Variants in TRIM2 observed in about 807,000 individuals in gnomAD.
The protein encoded by TRIM2 is tripartite motif containing 2, also known as tripartite motif-containing protein 2.
In TRIM2, 20 loss-of-function variants were observed where a neutral mutation model predicts 75.2. That is an observed-to-expected ratio of 0.27 (90% confidence interval 0.19 to 0.39). The LOEUF (loss-of-function observed/expected upper bound fraction) is 0.39, where lower values mean the gene tolerates loss of function less well. TRIM2 is among the 10% of genes least tolerant of loss of function. The probability of loss-of-function intolerance (pLI) is 1.00; values close to 1 mark genes in which losing one functional copy is unlikely to be tolerated. For missense variants in TRIM2, 660 were observed against 990.8 expected, an observed-to-expected ratio of 0.67 and a Z score of 4.48; for synonymous variants, 373 against 388.3, an observed-to-expected ratio of 0.96 and a Z score of 0.46.
intron 1 of TRIM2, among the ~76,000 whole-genome samples, chr4:153,235,929 TC>T (rs896271752): frequency 6.6e-6 from 1 of 152,058 alleles, no homozygotes; most frequent in Non-Finnish European, 1.5e-5. Flanking sequence ...TTACCTTCTT[TC>T]CCCCTAGATT....
rs745887103 is a variant in TRIM2 at position 153,334,663 on chromosome 4, A to T, written c.2164-151A>T. ...AAAGGTTACAGTAAGCTGTCTTCAC[A>T]CCACGGCACACCAGCCTGGGTGTCA... On this transcript the variant is annotated intron_variant, in intron 11 of 11. Transcript: ENST00000338700. The T allele has an allele frequency of 1.1e-4, 80 of 697,572 alleles. 1 individual carries two copies. The highest frequency in any genetic ancestry group is 3.8e-4 in the Middle Eastern group (1 of 2,624). The allele number at this position is 697,572 out of a possible 1,614,324, so 43.2% of individuals were successfully genotyped here. A position where few individuals can be genotyped will look rare whatever the true frequency, so the allele number is the denominator to read the frequency against.
chr4:153,199,477 G>T (rs1007505353), upstream of TRIM2, among the ~76,000 whole-genome samples: 1 of 152,142 alleles, frequency 6.6e-6, no homozygotes, highest in Non-Finnish European at 1.5e-5. Flanking sequence ...GTACTATAAC[G>T]AATCTGTTTG....
chr4:153,289,568 A>G (rs916595561), intron 3 of TRIM2, among the ~76,000 whole-genome samples: 7 of 152,150 alleles, frequency 4.6e-5, no homozygotes, highest in African/African-American at 1.7e-4. Flanking sequence ...GCGACTCTAT[A>G]TTATTTTGCA....
At chr4:153,278,468 A>G (rs1367448202) in intron 3 of TRIM2, among the ~76,000 whole-genome samples, 1 of 152,132 alleles carries the variant, frequency 6.6e-6, no homozygotes, top group Non-Finnish European at 1.5e-5. Flanking sequence ...GCCCCTTCAT[A>G]TCCCAAATTT....
chr4:153,199,980 C>T (rs947142659), upstream of TRIM2, among the ~76,000 whole-genome samples: 48 of 138,136 alleles, frequency 3.5e-4, no homozygotes, highest in Admixed American at 3.0e-3. Context: ...CTCACTCTGT[C>T]GCCCAGGCTG....
chr4:153,298,438 A>G (rs1346935313), intron 6 of TRIM2, among the ~76,000 whole-genome samples: 1 of 152,166 alleles, frequency 6.6e-6, no homozygotes, highest in Admixed American at 6.5e-5. Context: ...TTGTCCTCAC[A>G]TAGTCATCTC....
chr4:153,305,677 TA>T (rs1764820140), intron 6 of TRIM2, among the ~76,000 whole-genome samples: 1 of 152,208 alleles, frequency 6.6e-6, no homozygotes, highest in South Asian at 2.1e-4. Flanking sequence ...AGCTCCCTTT[TA>T]AAACAACTCA....
At chr4:153,224,250 G>T (rs1451771867) in intron 1 of TRIM2, among the ~76,000 whole-genome samples, 2 of 152,156 alleles carry the variant, frequency 1.3e-5, no homozygotes, top group Non-Finnish European at 2.9e-5. Flanking sequence ...GATACACATT[G>T]CATTTCCTTC....
chr4:153,303,648 A>G (rs987587295), intron 6 of TRIM2, among the ~76,000 whole-genome samples: 5 of 152,204 alleles, frequency 3.3e-5, no homozygotes, highest in East Asian at 1.9e-4. Flanking sequence ...TGAGATGGCA[A>G]TGGTGATTCT....
At chr4:153,240,306 C>T (rs1023002752) in intron 1 of TRIM2, among the ~76,000 whole-genome samples, 1 of 152,128 alleles carries the variant, frequency 6.6e-6, no homozygotes, top group Non-Finnish European at 1.5e-5. Flanking sequence ...ATTGCAAATA[C>T]CTGAAGCCAG....
At chr4:153,233,301 C>A (rs1167213098) in intron 1 of TRIM2, among the ~76,000 whole-genome samples, 1 of 151,866 alleles carries the variant, frequency 6.6e-6, no homozygotes, top group Non-Finnish European at 1.5e-5. Context: ...AAGAAAGTGC[C>A]AAAGAAAGGA....
chr4:153,225,401 G>T (rs552625185), intron 1 of TRIM2, among the ~76,000 whole-genome samples: 1 of 152,198 alleles, frequency 6.6e-6, no homozygotes, highest in Non-Finnish European at 1.5e-5. Flanking sequence ...TTCCTGCTTA[G>T]AATGTCTGTT....
intron 1 of TRIM2, among the ~76,000 whole-genome samples, chr4:153,228,865 G>C (rs1742861241): frequency 6.6e-6 from 1 of 152,132 alleles, no homozygotes; most frequent in Admixed American, 6.5e-5. Context: ...ATTAGCCTTT[G>C]AGTATCCTTC....
At chr4:153,218,312 A>G (rs369930677) in intron 1 of TRIM2, among the ~76,000 whole-genome samples, 7 of 152,202 alleles carry the variant, frequency 4.6e-5, no homozygotes, top group African/African-American at 1.7e-4. Context: ...GGCTCAAGCA[A>G]TCTACCCACC....
intron 1 of TRIM2, among the ~76,000 whole-genome samples, chr4:153,166,716 G>A (rs1162475337): frequency 3.3e-5 from 5 of 152,042 alleles, no homozygotes; most frequent in Non-Finnish European, 7.4e-5. Context: ...ATGCCCAGAT[G>A]TATTTTTCTT....
intron 5 of TRIM2, among the ~76,000 whole-genome samples, chr4:153,294,942 C>T (rs112542599): frequency 6.6e-6 from 1 of 152,060 alleles, no homozygotes; most frequent in African/African-American, 2.4e-5. Context: ...ACTTCCTGTT[C>T]CTTTAGGTGG....
rs115278632 is a variant in TRIM2 at position 153,315,897 on chromosome 4, G to A, written c.1680G>A (p.Leu560=). The A allele has an allele frequency of 6.8e-6, 11 of 1,614,120 alleles. No homozygotes were observed. In the East Asian group the frequency reaches 2.0e-4, roughly 29 times the overall value. The change falls in exon 8 of 12, where the codon CTG becomes CTA. Residue 560 remains leucine (L), a synonymous_variant. Coordinates refer to ENST00000338700, the MANE Select transcript of TRIM2 (RefSeq NM_015271.5). Reference sequence around the variant, plus strand: ...TACGGGGACGCTCTCCGGGGCAGCTGCAGCGGCCCACAGGAGTGGCTGTAC... The same window carrying A: ...TACGGGGACGCTCTCCGGGGCAGCTACAGCGGCCCACAGGAGTGGCTGTAC... ...FGIRGRSPGQ[L]QRPTGVAVHP... is the part of the protein sequence containing the mutation.
intron 6 of TRIM2, among the ~76,000 whole-genome samples, chr4:153,296,305 A>G (rs1762757119): frequency 1.3e-5 from 2 of 152,126 alleles, no homozygotes; most frequent in Non-Finnish European, 2.9e-5. Flanking sequence ...CTGCATATTC[A>G]TTGTAGGAAA....
intron 1 of TRIM2, among the ~76,000 whole-genome samples, chr4:153,234,957 G>T (rs1744633665): frequency 6.6e-6 from 1 of 152,120 alleles, no homozygotes; most frequent in African/African-American, 2.4e-5. Context: ...CCACCCTCGA[G>T]CACACAGACC....
Sources: gnomAD v4.1 joint callset for allele counts (sites outside exome capture counted in the v4.1 genomes callset) on GRCh38, gnomAD v4.1.1 for gene constraint, MANE v1.5 for transcripts, NCBI Gene and HGNC (gene_info 2026-07-23, HGNC 2026-07-21) for gene names.